Variants in GHITM observed in about 807,000 individuals in gnomAD.
GHITM encodes growth hormone inducible transmembrane protein, also known as growth hormone-inducible transmembrane protein.
A neutral mutation model predicts 38.7 loss-of-function variants in GHITM; 24 were observed. The observed-to-expected ratio is 0.62, with a 90% CI of 0.45 to 0.87. The LOEUF is 0.87. Ranked by LOEUF, GHITM falls within the 40% of genes least tolerant of loss-of-function variation. The pLI, the probability that GHITM is intolerant of heterozygous loss-of-function variation, is 0.00. For missense variants in GHITM, 420 were observed against 429.8 expected (o/e 0.98, Z 0.20); for synonymous variants, 154 against 147.8 (o/e 1.04, Z -0.30).
intron 4 of GHITM, among the ~76,000 whole-genome samples, chr10:84,144,361 GTTTGTTTT>G (rs1841536807): frequency 1.3e-5 from 2 of 152,108 alleles, no homozygotes; most frequent in South Asian, 2.1e-4. Context: ...TTGTTTGTTT[GTTTGTTTT>G]TTTGGAGAGA....
Position 84,141,603 on chromosome 10 carries a change from A to G in GHITM, c.103A>G (p.Asn35Asp). The G allele has an allele frequency of 1.2e-6, 2 of 1,613,922 alleles. No homozygotes were observed. Among genetic ancestry groups the G allele is most frequent in the South Asian group, 2.2e-5 (2 of 91,080 alleles). ...SPVVKNSITK[N>D]QWLLTPSREY... ...TGTTGTGAAGAATTCCATCACGAAG[A>G]ATCAATGGCTGTTAACACCTAGCAG... Residue 35 changes from asparagine (N) to aspartate (D), a missense_variant, in exon 2 of 9, where the codon AAT becomes GAT. Asn to Asp is a conservative substitution (Grantham distance 23, BLOSUM62 1). Transcript: ENST00000372134.
intron 5 of GHITM, among the ~76,000 whole-genome samples, chr10:84,145,347 A>T (rs1589275581): frequency 6.6e-6 from 1 of 152,356 alleles, no homozygotes. Context: ...GGTCCCAGAC[A>T]TTTCTGATGA....
chr10:84,143,429 T>C (rs2132736096), intron 3 of GHITM, among the ~76,000 whole-genome samples: 1 of 152,324 alleles, frequency 6.6e-6, no homozygotes, highest in South Asian at 2.1e-4. Context: ...GTAAACGAAT[T>C]AGACTAAAAG....
rs777450411 is a variant in GHITM, at chr10:84,148,815, A to G, written c.569A>G (p.His190Arg). The G allele has an allele frequency of 8.7e-6, 14 of 1,609,656 alleles. No individual in the cohort carries two copies. The African/African-American group carries it at 1.5e-4, about 17-fold the overall frequency. Residue 190 changes from histidine (H) to arginine (R), a missense_variant, in exon 6 of 9, where the codon CAT becomes CGT. By Grantham distance (29) the His-to-Arg change is conservative. Coordinates refer to ENST00000372134, the MANE Select transcript of GHITM (RefSeq NM_014394.3). The stretch of plus-strand genomic sequence containing the variant: ...TATGACCAGAGCCCAGGCCCAAAGC[A>G]TCTTGCTTGGTTGCTACATTCTGGT... The part of the protein sequence containing the change: ...IPYDQSPGPK[H>R]LAWLLHSGVM...
Position 84,150,108 on chromosome 10 carries a change from A to C in GHITM, c.646A>C (p.Ile216Leu). 6.2e-7 allele frequency: 1 copy of C among 1,613,286 alleles called. No homozygotes were observed. The highest frequency in any genetic ancestry group is 8.5e-7 in the Non-Finnish European group (1 of 1,179,458). Residue 216 changes from isoleucine to leucine, a missense_variant, in exon 7 of 9, where the codon ATC becomes CTC. Physicochemically the swap from Ile to Leu is conservative, Grantham distance 5 (BLOSUM62 2). Transcript: ENST00000372134. The stretch of plus-strand genomic sequence containing the variant: ...GACAATATTAGGGGGTCCTCTTCTC[A>C]TCAGAGCTGCATGGTACACAGCTGG... ...PLTILGGPLLIRAAWYTAGIV... is the reference protein window; with the variant it reads ...PLTILGGPLLLRAAWYTAGIV...
chr10:84,147,622 T>G (rs565922370), intron 5 of GHITM, among the ~76,000 whole-genome samples: 235 of 125,324 alleles, frequency 1.9e-3, no homozygotes, highest in African/African-American at 4.5e-3. Context: ...TGTTCTTTTT[T>G]TTTGTTTGTT....
At chr10:84,145,117 G>T in intron 5 of GHITM, 101 bp downstream of exon 5, 1 of 847,846 alleles carries the variant, frequency 1.2e-6, no homozygotes, top group South Asian at 3.1e-5. Context: ...ATACTGTATT[G>T]AACAAGTTTT....
chr10:84,152,177 A>C, intron 8 of GHITM, 87 bp from the exon 9 acceptor site: 1 of 638,202 alleles, frequency 1.6e-6, no homozygotes, highest in South Asian at 2.0e-5. Context: ...ACTAAGACAA[A>C]TAGTATTTTT....
rs567061046 is a variant in GHITM, at chr10:84,143,764, T to C, written c.230-231T>C. On this transcript the variant is annotated intron_variant, in intron 3 of 8. Transcript: ENST00000372134. ...TCCCTCAAATATTGTTGGAGGGAGGTTGAAGATTCACCAAGCCTGATCCTT... is the reference window on the plus strand; with the variant it reads ...TCCCTCAAATATTGTTGGAGGGAGGCTGAAGATTCACCAAGCCTGATCCTT... Among the ~76,000 whole-genome samples the C allele has an allele frequency of 4.6e-5, 7 of 152,252 alleles. 1 individual carries two copies. The highest frequency in any genetic ancestry group is 4.2e-4 in the South Asian group (2 of 4,818).
intron 5 of GHITM, among the ~76,000 whole-genome samples, chr10:84,146,934 G>C (rs1046823334): frequency 1.2e-4 from 19 of 152,236 alleles, no homozygotes; most frequent in African/African-American, 4.6e-4. Context: ...CATCTGAGGA[G>C]AGGTATCTGA....
rs755335732 is a variant in GHITM at position 84,150,794 on chromosome 10, G to T, written c.867G>T (p.Met289Ile). 6.2e-7 allele frequency: 1 copy of T among 1,612,460 alleles called. No homozygotes were observed. The highest frequency in any genetic ancestry group is 1.1e-5 in the South Asian group (1 of 91,046). The change falls in exon 8 of 9, where the codon ATG becomes ATT. Residue 289 changes from methionine (M) to isoleucine (I), a missense_variant. By Grantham distance (10) the Met-to-Ile change is conservative. Transcript: ENST00000372134. ...AMYGGLVLFS[M>I]FLLYDTQKVI... ...ACGGTGGATTAGTTCTTTTCAGCAT[G>T]TTCCTTCTGTATGATACCCAGAAAG...
chr10:84,141,659 C>T, intron 2 of GHITM, 30 bp downstream of exon 2: 1 of 1,608,402 alleles, frequency 6.2e-7, no homozygotes, highest in Non-Finnish European at 8.5e-7. Context: ...TTTTATATTG[C>T]TTCTTTTTCC....
At position 84,141,493 on chromosome 10, in the gene GHITM, C is replaced by T; in HGVS notation, c.-8C>T. 1 of 1,612,910 alleles carries T rather than the reference C, an allele frequency of 6.2e-7. No homozygotes were observed. Among genetic ancestry groups the T allele is most frequent in the Non-Finnish European group, 8.5e-7 (1 of 1,179,032 alleles). On this transcript the variant is annotated 5_prime_UTR_variant, in exon 2 of 9. Transcript: ENST00000372134. Reference sequence around the variant, plus strand: ...AGATCTGCTCGGTAGACCTGGTGCACCACCACCATGTTGGCTGCAAGGCTG... The same window carrying T: ...AGATCTGCTCGGTAGACCTGGTGCATCACCACCATGTTGGCTGCAAGGCTG...
rs193197284 is a variant in GHITM, at chr10:84,144,885, C to T, written c.352C>T (p.Gln118Ter). ...TCATGTTTCTTACAGAATTTGGCCT[C>T]AGTATGTCAAGGATAGAATTCATTC... ...GAIEKAVIWP[Q>*]YVKDRIHSTY... The change falls in exon 5 of 9, where the codon CAG becomes TAG. Residue 118 changes from glutamine (Q) to a stop codon, truncating the protein, a stop_gained. Transcript: ENST00000372134. LOFTEE classifies it high-confidence loss of function. 4 of 1,577,558 alleles carry T rather than the reference C, an allele frequency of 2.5e-6. No homozygotes were observed. The African/African-American group carries it at 5.4e-5, about 21-fold the overall frequency.
In GHITM at chr10:84,152,295, ATATT is replaced by A. The variant is rs755728366; in HGVS notation, c.989_992del (p.Phe330CysfsTer39). ...GAGTATCTACATGGATACATTAAAT[ATATT>A]TATGCGAGTTGCAACTATGCTGGCA... is the stretch of plus-strand genomic sequence containing the variant. On this transcript the variant is annotated frameshift_variant, in exon 9 of 9. Coordinates refer to ENST00000372134, the MANE Select transcript of GHITM (RefSeq NM_014394.3). LOFTEE classifies it high-confidence loss of function. The A allele has an allele frequency of 6.2e-7, 1 of 1,604,080 alleles. No individual in the cohort carries two copies. The highest frequency in any genetic ancestry group is 8.5e-7 in the Non-Finnish European group (1 of 1,171,964).
At chr10:84,146,389 A>G (rs1841557016) in intron 5 of GHITM, among the ~76,000 whole-genome samples, 1 of 152,212 alleles carries the variant, frequency 6.6e-6, no homozygotes, top group African/African-American at 2.4e-5. Context: ...AGGGATGATA[A>G]GAACCTGAAC....
chr10:84,144,003 A>G lies in GHITM; in HGVS notation c.238A>G (p.Met80Val). Residue 80 changes from methionine to valine, a missense_variant, in exon 4 of 9, where the codon ATG (methionine) becomes GTG (valine). Transcript: ENST00000372134. ...SMEKIFKIDQ[M>V]GRWFVAGGAA... ...CCTTCTGTGTTCTGCAGTTGATCAG[A>G]TGGGAAGATGGTTTGTTGCTGGAGG... The G allele has an allele frequency of 7.4e-6, 12 of 1,611,788 alleles. No individual in the cohort carries two copies. The highest frequency in any genetic ancestry group is 1.0e-5 in the Non-Finnish European group (12 of 1,177,872).
At chr10:84,152,101 A>G (rs985628192) in intron 8 of GHITM, among the ~76,000 whole-genome samples, 163 bp from the exon 9 acceptor site, 3 of 152,068 alleles carry the variant, frequency 2.0e-5, no homozygotes, top group African/African-American at 4.8e-5. Context: ...GACCTTAACT[A>G]TTTTCTAGTC....
Position 84,148,734 on chromosome 10 carries a change from T to C in GHITM, c.488T>C (p.Ile163Thr), listed in dbSNP as rs762246672. 5 of 1,604,374 alleles carry C rather than the reference T, an allele frequency of 3.1e-6. No homozygotes were observed. Among genetic ancestry groups the C allele is most frequent in the South Asian group, 1.1e-5 (1 of 90,904 alleles). Residue 163 changes from isoleucine to threonine, a missense_variant, in exon 6 of 9, where the codon ATT becomes ACT. Transcript: ENST00000372134. ...NFMMRGSWVT[I>T]GVTFAAMVGA... ...TTAATAGTACTTGTCTTTCAGACAA[T>C]TGGTGTGACCTTTGCAGCCATGGTT...
Sources: gnomAD v4.1 joint callset for allele counts (sites outside exome capture counted in the v4.1 genomes callset) on GRCh38, gnomAD v4.1.1 for gene constraint, MANE v1.5 for transcripts, NCBI Gene and HGNC (gene_info 2026-07-23, HGNC 2026-07-21) for gene names.